Variants in GFPT2 observed in about 807,000 individuals in gnomAD.
The protein encoded by GFPT2 is glutamine--fructose-6-phosphate transaminase 2, also known as glutamine--fructose-6-phosphate aminotransferase [isomerizing] 2.
Under a neutral mutation model 85.6 loss-of-function variants are expected in GFPT2, and 62 were observed. The ratio of observed to expected loss-of-function variants is 0.72; its 90% confidence interval spans 0.59 to 0.90. The LOEUF is 0.90. Ranked by LOEUF, GFPT2 falls within the 40% of genes least tolerant of loss-of-function variation. The pLI is 0.00. For synonymous variants in GFPT2, 368 were observed against 344.5 expected (o/e 1.07, Z -0.75); for missense variants, 788 against 893.4 (o/e 0.88, Z 1.50).
At position 180,316,996 on chromosome 5, in the gene GFPT2, T is replaced by C. The variant is rs761069415; in HGVS notation, c.1021A>G (p.Met341Val). 1.9e-6 allele frequency: 3 copies of C among 1,611,044 alleles called. No individual in the cohort carries two copies. The highest frequency in any genetic ancestry group is 1.7e-5 in the Admixed American group (1 of 60,018). ...GTTTCAAAATTCACCCGACCTCTCA[T>C]AGTATTGAAAACTGATTCTGGCTGT... ...FEQPESVFNT[M>V]RGRVNFETNT... The change falls in exon 11 of 19, where the codon ATG (methionine) becomes GTG (valine). Residue 341 changes from methionine to valine, a missense_variant. Transcript: ENST00000253778.
chr5:180,334,043 G>C (rs1285811334), intron 4 of GFPT2, among the ~76,000 whole-genome samples: 1 of 152,182 alleles, frequency 6.6e-6, no homozygotes, highest in African/African-American at 2.4e-5. Context: ...CTGGGCTCTG[G>C]CCAGATGTAC....
chr5:180,342,729 G>C (rs1197464543), intron 1 of GFPT2, among the ~76,000 whole-genome samples: 1 of 152,120 alleles, frequency 6.6e-6, no homozygotes, highest in Middle Eastern at 3.2e-3. Context: ...GTGAAACCCT[G>C]TCTGAACTTA....
chr5:180,324,654 CTCA>C (rs1343329566), intron 8 of GFPT2, among the ~76,000 whole-genome samples, 159 bp downstream of exon 8: 1 of 152,220 alleles, frequency 6.6e-6, no homozygotes, highest in African/African-American at 2.4e-5. Context: ...GGAGCCAAGT[CTCA>C]GTTGCACAAA....
chr5:180,353,304 CCGTGGG>C lies in GFPT2; in HGVS notation c.-93_-88del, dbSNP rs1183277946. 2.1e-5 allele frequency: 21 copies of C among 980,398 alleles called. No individual in the cohort carries two copies. The highest frequency in any genetic ancestry group is 3.4e-5 in the African/African-American group (2 of 59,310). The allele number at this position is 980,398 out of a possible 1,614,324, so 60.7% of individuals were successfully genotyped here. ...TCCTCCGTGGGCTCCTCCGTGGGCT[CCGTGGG>C]CTCCGTGGGCTCCGCGGGCTCCAGC... On this transcript the variant is annotated 5_prime_UTR_variant, in exon 1 of 19. Coordinates refer to ENST00000253778, the MANE Select transcript of GFPT2 (RefSeq NM_005110.4).
rs181594491 is a variant in GFPT2, at chr5:180,306,835, G to A, written c.1674+341C>T. 3.1e-3 allele frequency among the ~76,000 whole-genome samples: 477 copies of A among 152,226 alleles called. 2 individuals are homozygous for A. The highest frequency in any genetic ancestry group is 6.2e-3 in the African/African-American group (256 of 41,538). ...TCCTGAATGAGGGTGAATAGCAACCGCCAACCTCTCAGAAGCAGCTCATGA... is the reference window on the plus strand; with the variant it reads ...TCCTGAATGAGGGTGAATAGCAACCACCAACCTCTCAGAAGCAGCTCATGA... On this transcript the variant is annotated intron_variant, in intron 16 of 18. Coordinates refer to ENST00000253778, the MANE Select transcript of GFPT2 (RefSeq NM_005110.4).
chr5:180,326,250 C>T (rs1003445177), intron 7 of GFPT2, among the ~76,000 whole-genome samples: 4 of 152,148 alleles, frequency 2.6e-5, no homozygotes, highest in Non-Finnish European at 5.9e-5. Context: ...AGGATGTGTG[C>T]CTTTCCCCTC....
intron 4 of GFPT2, among the ~76,000 whole-genome samples, chr5:180,331,904 G>A (rs1764307488): frequency 6.6e-6 from 1 of 152,196 alleles, no homozygotes; most frequent in Non-Finnish European, 1.5e-5. Context: ...CGGGGATGAT[G>A]AGCCCTTCGT....
At chr5:180,322,934 C>T (rs1764147718) in intron 9 of GFPT2, among the ~76,000 whole-genome samples, 1 of 151,884 alleles carries the variant, frequency 6.6e-6, no homozygotes, top group African/African-American at 2.4e-5. Flanking sequence ...TACTCAGAGG[C>T]TGAGGCAGGA....
intron 1 of GFPT2, among the ~76,000 whole-genome samples, chr5:180,338,915 A>T (rs567773432): frequency 6.6e-6 from 1 of 152,246 alleles, no homozygotes; most frequent in Admixed American, 6.5e-5. Flanking sequence ...ATGAAATCCA[A>T]CCGCCTTAGG....
At position 180,333,237 on chromosome 5, in the gene GFPT2, T is replaced by G. The variant is rs528383762; in HGVS notation, c.341-1684A>C. ...CTATGGTGATATTGTTTCTTTTTCT[T>G]TCTTTTTTTTTTTCTGAGATGGAGT... On this transcript the variant is annotated intron_variant, in intron 4 of 18. Transcript: ENST00000253778. Among the ~76,000 whole-genome samples, 27 of 147,622 alleles carry G rather than the reference T, an allele frequency of 1.8e-4. No homozygotes were observed. In the South Asian group the frequency reaches 4.5e-3, roughly 24 times the overall value.
At chr5:180,339,018 T>C (rs1764457962) in intron 1 of GFPT2, among the ~76,000 whole-genome samples, 1 of 152,144 alleles carries the variant, frequency 6.6e-6, no homozygotes, top group Admixed American at 6.5e-5. Flanking sequence ...CCAGGGCAGA[T>C]GGGACAGGCG....
At chr5:180,348,875 G>A (rs1313979217) in intron 1 of GFPT2, among the ~76,000 whole-genome samples, 1 of 151,504 alleles carries the variant, frequency 6.6e-6, no homozygotes, top group African/African-American at 2.4e-5. Context: ...CCGAGTAGCT[G>A]GGACTACAGG....
intron 9 of GFPT2, 45 bp from the exon 10 acceptor site, chr5:180,319,001 G>A: frequency 6.3e-7 from 1 of 1,578,472 alleles, no homozygotes; most frequent in Non-Finnish European, 8.6e-7. Context: ...GCCCTGAGCA[G>A]TTACGAGGCA....
rs1284983675 is a variant in GFPT2 at position 180,330,862 on chromosome 5, G to A, written c.400-28C>T. 1 of 1,611,146 alleles carries A rather than the reference G, an allele frequency of 6.2e-7. No homozygotes were observed. The highest frequency in any genetic ancestry group is 8.5e-7 in the Non-Finnish European group (1 of 1,177,718). On this transcript the variant is annotated intron_variant, in intron 5 of 18. Transcript: ENST00000253778. This position sits in a 1 kb window ranked among gnomAD's most constrained non-coding sequence, Gnocchi z 4.4. ...GGAATATGCAGTCGGCACAGTGTGA[G>A]AGATTGGTCATTGCACAATGCCTGC...
rs577178867 is a variant in GFPT2 at position 180,324,853 on chromosome 5, C to T, written c.639G>A (p.Lys213=). 11 of 1,612,258 alleles carry T rather than the reference C, an allele frequency of 6.8e-6. No individual in the cohort carries two copies. In the South Asian group the frequency reaches 1.2e-4, roughly 18 times the overall value. The change falls in exon 8 of 19, where the codon AAG becomes AAA. Residue 213 remains lysine, a synonymous_variant. Coordinates refer to ENST00000253778, the MANE Select transcript of GFPT2 (RefSeq NM_005110.4). The part of the protein sequence containing the change: ...PLLIGVRSKY[K]LSTEQIPILY... ...AGATAGGGATCTGTTCTGTGGAGAG[C>T]TTGTATTTGCTCCGGACTCCGATGA...
chr5:180,349,951 G>C (rs1764680610), intron 1 of GFPT2, among the ~76,000 whole-genome samples: 2 of 151,916 alleles, frequency 1.3e-5, no homozygotes, highest in Admixed American at 1.3e-4. Flanking sequence ...CAAATTCGTG[G>C]ATGGGAAGCG....
At chr5:180,327,784 A>T (rs1764235795) in intron 7 of GFPT2, among the ~76,000 whole-genome samples, 1 of 152,214 alleles carries the variant, frequency 6.6e-6, no homozygotes, top group Non-Finnish European at 1.5e-5. Flanking sequence ...CATTGGGGCA[A>T]GCAGGCTCTC....
chr5:180,319,293 T>G (rs989272157), intron 9 of GFPT2, among the ~76,000 whole-genome samples: 1 of 152,228 alleles, frequency 6.6e-6, no homozygotes. Flanking sequence ...ATATTCAGCA[T>G]GTTTACATAT....
At chr5:180,304,116 A>G (rs1220968972) in intron 17 of GFPT2, among the ~76,000 whole-genome samples, 1 of 152,216 alleles carries the variant, frequency 6.6e-6, no homozygotes, top group African/African-American at 2.4e-5. Context: ...CCCGGGCGAC[A>G]CACAGTGACG....
Sources: allele counts gnomAD v4.1 joint callset (sites outside exome capture counted in the v4.1 genomes callset), GRCh38; gene constraint gnomAD v4.1.1; non-coding constraint Gnocchi (gnomAD v3.1); transcripts MANE v1.5; gene names NCBI Gene and HGNC (gene_info 2026-07-23, HGNC 2026-07-21).